Variants in RERE observed in about 807,000 individuals in gnomAD.
RERE encodes the protein arginine-glutamic acid dipeptide repeats.
In RERE, 40 loss-of-function variants were observed where a neutral mutation model predicts 146.1. That is an observed-to-expected ratio of 0.27 (90% confidence interval 0.21 to 0.36). The LOEUF is 0.36. Ranked by LOEUF, RERE falls within the 10% of genes least tolerant of loss-of-function variation. The probability of loss-of-function intolerance (pLI) is 1.00; values close to 1 mark genes in which losing one functional copy is unlikely to be tolerated. For missense variants in RERE, 1,933 were observed against 2,138.7 expected, an observed-to-expected ratio of 0.90 and a Z score of 1.90; for synonymous variants, 1,003 against 866.0, an observed-to-expected ratio of 1.16 and a Z score of -2.78.
chr1:8,571,708 C>T (rs1367095938), intron 4 of RERE, among the ~76,000 whole-genome samples: 1 of 152,208 alleles, frequency 6.6e-6, no homozygotes, highest in African/African-American at 2.4e-5. Context: ...GTTCCATCTA[C>T]AAACATTTTT....
At chr1:8,714,696 G>A (rs1639728972) in intron 1 of RERE, among the ~76,000 whole-genome samples, 2 of 152,090 alleles carry the variant, frequency 1.3e-5, no homozygotes, top group Non-Finnish European at 2.9e-5. Flanking sequence ...GGTTCCAGGA[G>A]GATAGCACCA....
intron 10 of RERE, among the ~76,000 whole-genome samples, chr1:8,494,158 C>A (rs1645013744): frequency 6.6e-6 from 1 of 152,136 alleles, no homozygotes; most frequent in African/African-American, 2.4e-5. Flanking sequence ...AGCCTCATTT[C>A]CCTTTACTTT....
chr1:8,470,246 TTA>T (rs1644662520), intron 10 of RERE, among the ~76,000 whole-genome samples: 1 of 152,102 alleles, frequency 6.6e-6, no homozygotes, highest in South Asian at 2.1e-4. Flanking sequence ...GTGGGATTAT[TTA>T]CCCAAAGTGA....
At chr1:8,470,220 C>A (rs1434896319) in intron 10 of RERE, among the ~76,000 whole-genome samples, 1 of 152,106 alleles carries the variant, frequency 6.6e-6, no homozygotes, top group African/African-American at 2.4e-5. Context: ...AAAGACACAT[C>A]TGAGAAGTAA....
intron 11 of RERE, among the ~76,000 whole-genome samples, chr1:8,426,512 C>T (rs1644015584): frequency 6.6e-6 from 1 of 152,032 alleles, no homozygotes; most frequent in Non-Finnish European, 1.5e-5. Context: ...TAGTGGCAGT[C>T]CCAGGCCAGA....
At chr1:8,457,584 A>C (rs2124095321) in intron 11 of RERE, among the ~76,000 whole-genome samples, 1 of 151,940 alleles carries the variant, frequency 6.6e-6, no homozygotes, top group Non-Finnish European at 1.5e-5. Flanking sequence ...AGGGAGACTT[A>C]CTTACTTACT....
intron 12 of RERE, among the ~76,000 whole-genome samples, chr1:8,399,702 A>T (rs527997682): frequency 6.6e-6 from 1 of 152,236 alleles, no homozygotes; most frequent in African/African-American, 2.4e-5. Context: ...GAGTAAGGGG[A>T]TCTTTATAAT....
intron 1 of RERE, among the ~76,000 whole-genome samples, chr1:8,813,738 C>T (rs1174179224): frequency 6.6e-6 from 1 of 151,938 alleles, no homozygotes; most frequent in Non-Finnish European, 1.5e-5. Flanking sequence ...CCTCAGCCCC[C>T]CAAGTAGCTG....
intron 1 of RERE, among the ~76,000 whole-genome samples, chr1:8,725,299 CTCACGCCTGT>C (rs1639940581): frequency 6.6e-6 from 1 of 152,202 alleles, no homozygotes; most frequent in South Asian, 2.1e-4. Context: ...GATGCGGTGG[CTCACGCCTGT>C]AATCCCAGCA....
intron 1 of RERE, among the ~76,000 whole-genome samples, chr1:8,803,738 T>C (rs1238414775): frequency 6.6e-6 from 1 of 151,968 alleles, no homozygotes; most frequent in East Asian, 1.9e-4. Context: ...TTTTGTTTTT[T>C]TTTTTTAGAG....
intron 6 of RERE, 61 bp downstream of exon 6, chr1:8,556,414 C>T (rs1646007215): frequency 1.0e-6 from 1 of 972,626 alleles, no homozygotes; most frequent in Non-Finnish European, 1.7e-6. Context: ...AGAAATTACT[C>T]TCCACCTCCT....
At chr1:8,454,536 G>GCATTAC (rs1644427877) in intron 11 of RERE, among the ~76,000 whole-genome samples, 1 of 152,044 alleles carries the variant, frequency 6.6e-6, no homozygotes, top group East Asian at 1.9e-4. Flanking sequence ...GCTGGGTGTG[G>GCATTAC]TGGCTCACGC....
intron 7 of RERE, among the ~76,000 whole-genome samples, chr1:8,526,293 C>T (rs935623682): frequency 7.0e-6 from 1 of 141,846 alleles, no homozygotes. Context: ...CAAGTTTTGT[C>T]TTTTTTTTTT....
intron 6 of RERE, among the ~76,000 whole-genome samples, chr1:8,549,032 ATATAACCTT>A (rs1645901262): frequency 6.6e-6 from 1 of 152,226 alleles, no homozygotes; most frequent in East Asian, 1.9e-4. Flanking sequence ...ATTGAAATTA[ATATAACCTT>A]ACAAGTCTGG....
At chr1:8,576,018 C>T (rs946867735) in intron 4 of RERE, among the ~76,000 whole-genome samples, 2 of 152,120 alleles carry the variant, frequency 1.3e-5, no homozygotes, top group African/African-American at 2.4e-5. Flanking sequence ...ATTCCCTACA[C>T]AGGGCATTGA....
intron 4 of RERE, among the ~76,000 whole-genome samples, chr1:8,581,013 T>A (rs1239220220): frequency 6.6e-6 from 1 of 152,242 alleles, no homozygotes; most frequent in East Asian, 1.9e-4. Flanking sequence ...CTACTCTGAT[T>A]TCCATCACAG....
chr1:8,760,036 T>G (rs1241045975), intron 1 of RERE, among the ~76,000 whole-genome samples: 1 of 152,152 alleles, frequency 6.6e-6, no homozygotes, highest in Non-Finnish European at 1.5e-5. Context: ...TTTTGTTTTG[T>G]TTTTTTGAGA....
intron 1 of RERE, among the ~76,000 whole-genome samples, chr1:8,755,185 C>T (rs1005435910): frequency 2.0e-5 from 3 of 152,244 alleles, no homozygotes; most frequent in African/African-American, 4.8e-5. Context: ...GTCTTCAGTG[C>T]TACCTTTGGC....
intron 1 of RERE, among the ~76,000 whole-genome samples, chr1:8,791,491 T>C (rs1372301152): frequency 6.6e-6 from 1 of 152,212 alleles, no homozygotes; most frequent in East Asian, 1.9e-4. Context: ...GCCAAATGAA[T>C]GGGCAAGCCC....
Sources: gnomAD v4.1 joint callset for allele counts (sites outside exome capture counted in the v4.1 genomes callset) on GRCh38, gnomAD v4.1.1 for gene constraint, MANE v1.5 for transcripts, NCBI Gene and HGNC (gene_info 2026-07-23, HGNC 2026-07-21) for gene names.